The following PACRGL variants were observed in gnomAD, a reference collection of about 807,000 sequenced individuals.
PACRGL encodes parkin coregulated like.
Under a neutral mutation model 34.5 loss-of-function variants are expected in PACRGL, and 38 were observed. The ratio of observed to expected loss-of-function variants is 1.10; its 90% CI spans 0.85 to 1.44. The LOEUF (loss-of-function observed/expected upper bound fraction) is 1.44, where lower values mean the gene tolerates loss of function less well. PACRGL is among the 40% of genes most tolerant of loss of function. The pLI is 0.00. For missense variants in PACRGL, 305 were observed against 281.4 expected (o/e 1.08, Z -0.60); for synonymous variants, 128 against 100.1 (o/e 1.28, Z -1.66).
chr4:20,754,206 G>GT (rs752045593), downstream of PACRGL, among the ~76,000 whole-genome samples: 3 of 152,060 alleles, frequency 2.0e-5, no homozygotes, highest in Non-Finnish European at 4.4e-5. Flanking sequence ...GTTCAATCCA[G>GT]TTTTTTCTGA....
In PACRGL at chr4:20,744,020, C is replaced by T. The variant is rs535626318; in HGVS notation, c.*57-8545C>T. Among the ~76,000 whole-genome samples the T allele has an allele frequency of 7.6e-4, 115 of 152,220 alleles. 2 individuals are homozygous for T. The highest frequency in any genetic ancestry group is 2.5e-3 in the African/African-American group (103 of 41,534). On this transcript the variant is annotated intron_variant, in intron 8 of 8. Coordinates refer to the PACRGL transcript ENST00000507634. ...ACCAGACACATGAAAAAATGCTCAT[C>T]ATCACTGGCCATCAGAGAAATGCAA...
chr4:20,714,773 A>G (rs1739004608), intron 7 of PACRGL, among the ~76,000 whole-genome samples: 1 of 152,140 alleles, frequency 6.6e-6, no homozygotes, highest in Non-Finnish European at 1.5e-5. Context: ...GTCAGGAAAC[A>G]ACAGGTGTTG....
At chr4:20,720,105 G>T (rs1742282909) in intron 7 of PACRGL, among the ~76,000 whole-genome samples, 1 of 152,038 alleles carries the variant, frequency 6.6e-6, no homozygotes, top group African/African-American at 2.4e-5. Flanking sequence ...TGTCTCTTTT[G>T]ATCTTTGTTG....
At chr4:20,763,843 C>T in the PACRGL span, among the ~76,000 whole-genome samples, 2 of 152,112 alleles carry the variant, frequency 1.3e-5, no homozygotes, top group African/African-American at 2.4e-5. Context: ...CAGGTGTGAG[C>T]CCAGCCTCCC....
chr4:20,737,221 G>A (rs528891808), downstream of PACRGL, among the ~76,000 whole-genome samples: 31 of 152,170 alleles, frequency 2.0e-4, no homozygotes, highest in Non-Finnish European at 2.9e-4. Context: ...AGCTGGCAAA[G>A]CATCTTGAAA....
chr4:20,740,283 A>G (rs1247084261), intron 8 of PACRGL, among the ~76,000 whole-genome samples: 3 of 152,156 alleles, frequency 2.0e-5, no homozygotes, highest in African/African-American at 7.2e-5. Context: ...ATAAATTGTC[A>G]GATTCACCAA....
chr4:20,741,229 C>G (rs888764526), intron 8 of PACRGL, among the ~76,000 whole-genome samples: 6 of 152,204 alleles, frequency 3.9e-5, no homozygotes, highest in African/African-American at 1.4e-4. Flanking sequence ...ACCTAATAGA[C>G]ATCTACAGAA....
intron 8 of PACRGL, among the ~76,000 whole-genome samples, chr4:20,751,013 C>T (rs1484953880): frequency 6.6e-6 from 1 of 152,154 alleles, no homozygotes; most frequent in Non-Finnish European, 1.5e-5. Flanking sequence ...AAATTTCTCT[C>T]CTGGCTCTCA....
At chr4:20,708,229 T>A (rs1735460659) in intron 4 of PACRGL, among the ~76,000 whole-genome samples, 1 of 152,202 alleles carries the variant, frequency 6.6e-6, no homozygotes, top group African/African-American at 2.4e-5. Flanking sequence ...ATTGTTTATA[T>A]TTCATAATAA....
chr4:20,710,684 A>G (rs1171687999), intron 5 of PACRGL, among the ~76,000 whole-genome samples: 1 of 152,152 alleles, frequency 6.6e-6, no homozygotes, highest in African/African-American at 2.4e-5. Flanking sequence ...TGAAAAATGT[A>G]ATTTTGCCAA....
chr4:20,720,764 C>T lies in PACRGL; in HGVS notation c.610-4044C>T, dbSNP rs530708425. Among the ~76,000 whole-genome samples the T allele has an allele frequency of 2.0e-5, 3 of 152,156 alleles. No homozygotes were observed. The South Asian group carries it at 6.2e-4, about 32-fold the overall frequency. ...CTTCTGGCTGCCCTTAATATTTTTT[C>T]CTTCATTTCAACCTTGGTGAATCTG... On this transcript the variant is annotated intron_variant, in intron 7 of 8. Coordinates refer to ENST00000503585, the MANE Select transcript of PACRGL (RefSeq NM_001258345.3).
At position 20,728,765 on chromosome 4, in the gene PACRGL, T is replaced by TATCTCTACACCAGAATA. The variant is rs1746823470; in HGVS notation, c.*1425_*1441dup. The TATCTCTACACCAGAATA allele has an allele frequency of 6.6e-6, 1 of 152,544 alleles. No homozygotes were observed. The highest frequency in any genetic ancestry group is 1.5e-5 in the Non-Finnish European group (1 of 68,006). The allele number at this position is 152,544 out of a possible 1,614,324, so 9.4% of individuals were successfully genotyped here. On this transcript the variant is annotated 3_prime_UTR_variant, in exon 9 of 9. Transcript: ENST00000503585. ...GATAGCAGGGCAGCTTTCAACATCC[T>TATCTCTACACCAGAATA]ATCTCTACACCAGAATAGATACCTG...
rs574196386 is a variant in PACRGL, at chr4:20,726,680, A to G, written c.691-605A>G. On this transcript the variant is annotated intron_variant, in intron 8 of 8. Transcript: ENST00000503585. ...CATTTCTTGGGACTTGTGTATATCA[A>G]TGATGGAACTATTCAACTTTTGGAT... Among the ~76,000 whole-genome samples, 49 of 152,296 alleles carry G rather than the reference A, an allele frequency of 3.2e-4. 1 individual carries two copies. The South Asian group carries it at 9.1e-3, about 28-fold the overall frequency.
upstream of PACRGL, among the ~76,000 whole-genome samples, chr4:20,698,311 T>A (rs1466507660): frequency 6.6e-6 from 1 of 152,202 alleles, no homozygotes; most frequent in Non-Finnish European, 1.5e-5. Context: ...CTTTTTTCCC[T>A]CATCCCATTC....
At position 20,727,890 on chromosome 4, in the gene PACRGL, T is replaced by G. The variant is rs1259059832; in HGVS notation, c.*549T>G. 1.3e-5 allele frequency: 2 copies of G among 152,844 alleles called. No homozygotes were observed. The highest frequency in any genetic ancestry group is 1.3e-4 in the Admixed American group (2 of 15,324). 9.5% of individuals were successfully genotyped at this position (152,844 alleles called of 1,614,324 possible). ...CAAGCCTCAAATTTTTGTGCTCAGATGATCCTTTTCATCTCAGCCTCCTGA... is the reference window on the plus strand; with the variant it reads ...CAAGCCTCAAATTTTTGTGCTCAGAGGATCCTTTTCATCTCAGCCTCCTGA... On this transcript the variant is annotated 3_prime_UTR_variant, in exon 9 of 9. Transcript: ENST00000503585.
In PACRGL at chr4:20,738,672, G is replaced by A. The variant is rs149573979; in HGVS notation, c.*56+11275G>A. The stretch of plus-strand genomic sequence containing the variant: ...AGCTCCAGTCTACAGCTCCCAGCAT[G>A]AGCAACGCAGAAGATGGGTGATTTC... On this transcript the variant is annotated intron_variant, in intron 8 of 8. Transcript: ENST00000507634. Among the ~76,000 whole-genome samples the A allele has an allele frequency of 2.3e-3, 353 of 152,338 alleles. 8 individuals are homozygous for A. In the South Asian group the frequency reaches 0.046, roughly 20 times the overall value.
At chr4:20,699,609 C>T (rs951347027), upstream of PACRGL, among the ~76,000 whole-genome samples, 10 of 152,202 alleles carry the variant, frequency 6.6e-5, no homozygotes, top group Non-Finnish European at 1.3e-4. Context: ...AAGGATTACA[C>T]AGCCTCGAGT....
At chr4:20,765,151 A>G in the PACRGL span, among the ~76,000 whole-genome samples, 1 of 152,234 alleles carries the variant, frequency 6.6e-6, no homozygotes, top group African/African-American at 2.4e-5. Flanking sequence ...CTGGAGATAC[A>G]GGAATGAGTT....
intron 7 of PACRGL, among the ~76,000 whole-genome samples, chr4:20,714,116 T>A (rs1028446811): frequency 6.6e-6 from 1 of 152,136 alleles, no homozygotes; most frequent in Admixed American, 6.5e-5. Context: ...TCTCCCATTA[T>A]TATTGTGTGG....
Sources: gnomAD v4.1 joint callset for allele counts (sites outside exome capture counted in the v4.1 genomes callset) on GRCh38, gnomAD v4.1.1 for gene constraint, MANE v1.5 for transcripts, NCBI Gene and HGNC (gene_info 2026-07-23, HGNC 2026-07-21) for gene names.